The following IFRD1 variants were observed in gnomAD, a reference collection of about 807,000 sequenced individuals.
The protein encoded by IFRD1 is interferon-related developmental regulator 1.
IFRD1 carries 35 observed loss-of-function variants against 52.9 expected under a neutral mutation model. The ratio of observed to expected loss-of-function variants is 0.66; its 90% confidence interval spans 0.51 to 0.88. The LOEUF (loss-of-function observed/expected upper bound fraction) is 0.88. Among genes scored for constraint, IFRD1 ranks in the 40% least tolerant of loss-of-function variants. The pLI is 0.00. For missense variants in IFRD1, 517 were observed against 550.8 expected, an observed-to-expected ratio of 0.94 and a Z score of 0.61; for synonymous variants, 184 against 188.4, an observed-to-expected ratio of 0.98 and a Z score of 0.19.
In IFRD1 at chr7:112,450,552, C is replaced by T. The variant is rs993938407; in HGVS notation, c.-137C>T. 2.5e-5 allele frequency: 18 copies of T among 705,978 alleles called. 3 individuals are homozygous for T. The Admixed American group carries it at 2.7e-4, about 11-fold the overall frequency. 43.7% of individuals were successfully genotyped at this position (705,978 alleles called of 1,614,324 possible). On this transcript the variant is annotated 5_prime_UTR_variant, in exon 1 of 12. Transcript: ENST00000403825. ...CTGCCGCCACCGCCCACTCTTACCC[C>T]CGCCGCTTCTCGACTCTGTTGTTAG...
intron 9 of IFRD1, among the ~76,000 whole-genome samples, chr7:112,471,468 C>T (rs1202143195): frequency 1.3e-5 from 2 of 152,150 alleles, no homozygotes; most frequent in African/African-American, 4.8e-5. Flanking sequence ...TTTCTCCTCT[C>T]CCTGTGGCAG....
intron 1 of IFRD1, among the ~76,000 whole-genome samples, chr7:112,434,848 T>C (rs1269012852): frequency 6.6e-6 from 1 of 152,190 alleles, no homozygotes; most frequent in Non-Finnish European, 1.5e-5. Context: ...CACATACAAA[T>C]ATTAATATAA....
intron 1 of IFRD1, among the ~76,000 whole-genome samples, chr7:112,455,360 C>T (rs556832914): frequency 2.0e-5 from 3 of 152,166 alleles, no homozygotes; most frequent in African/African-American, 7.2e-5. Context: ...TGGTGTGCGC[C>T]TGTAATCCCA....
At chr7:112,454,929 C>A (rs1023368009) in intron 1 of IFRD1, among the ~76,000 whole-genome samples, 2 of 136,956 alleles carry the variant, frequency 1.5e-5, no homozygotes, top group Non-Finnish European at 3.0e-5. Flanking sequence ...TGCAGTGGCA[C>A]CATCTTGGCT....
intron 4 of IFRD1, among the ~76,000 whole-genome samples, chr7:112,458,636 A>G (rs1795352753): frequency 6.6e-6 from 1 of 152,214 alleles, no homozygotes. Flanking sequence ...AGAGTAACTA[A>G]TCGATGATCA....
intron 1 of IFRD1, among the ~76,000 whole-genome samples, chr7:112,452,666 C>G (rs760962003): frequency 1.3e-5 from 2 of 152,146 alleles, no homozygotes; most frequent in Non-Finnish European, 2.9e-5. Flanking sequence ...CCTCTTTGTG[C>G]TTATAGTACC....
chr7:112,470,271 A>G (rs1795714337), intron 9 of IFRD1, among the ~76,000 whole-genome samples: 1 of 152,186 alleles, frequency 6.6e-6, no homozygotes, highest in Non-Finnish European at 1.5e-5. Flanking sequence ...TGAAATTTGA[A>G]CCCACTGTTC....
intron 8 of IFRD1, among the ~76,000 whole-genome samples, chr7:112,464,166 A>G (rs1030634851): frequency 6.6e-6 from 1 of 152,022 alleles, no homozygotes; most frequent in Non-Finnish European, 1.5e-5. Context: ...GGGTTCATAC[A>G]GCAAATGAGT....
At chr7:112,441,956 G>A (rs1230870136) in intron 1 of IFRD1, among the ~76,000 whole-genome samples, 8 of 152,096 alleles carry the variant, frequency 5.3e-5, no homozygotes, top group African/African-American at 1.7e-4. Context: ...CCTAGCACTC[G>A]CAGAATTTAA....
chr7:112,454,102 AAGTG>A (rs1795229601), intron 1 of IFRD1, among the ~76,000 whole-genome samples: 1 of 152,226 alleles, frequency 6.6e-6, no homozygotes. Context: ...CAAAATCCCT[AAGTG>A]ACTGTATATT....
intron 5 of IFRD1, 104 bp from the exon 6 acceptor site, chr7:112,461,762 A>T: frequency 1.5e-6 from 1 of 650,368 alleles, no homozygotes; most frequent in African/African-American, 1.9e-5. Context: ...CTAATATATT[A>T]TGCTGCTGAG....
intron 1 of IFRD1, among the ~76,000 whole-genome samples, chr7:112,430,094 C>G (rs1014926632): frequency 2.0e-5 from 3 of 152,160 alleles, no homozygotes; most frequent in African/African-American, 7.2e-5. Flanking sequence ...AGGGCTTCTT[C>G]TCTTGGATAA....
intron 1 of IFRD1, among the ~76,000 whole-genome samples, chr7:112,424,068 T>C (rs1464812049): frequency 6.6e-6 from 1 of 152,172 alleles, no homozygotes; most frequent in Non-Finnish European, 1.5e-5. Flanking sequence ...ATAATGCTTT[T>C]CTTTGGGGGC....
At chr7:112,452,565 CTAAAGTTTGAAAGT>C in intron 1 of IFRD1, 1 of 493,842 alleles carries the variant, frequency 2.0e-6, no homozygotes, top group Non-Finnish European at 2.6e-6. Flanking sequence ...AGTTTGAAAG[CTAAAGTTTGAAAGT>C]TATAATGATG....
At chr7:112,465,657 A>T (rs1201421450) in intron 8 of IFRD1, among the ~76,000 whole-genome samples, 2 of 152,126 alleles carry the variant, frequency 1.3e-5, no homozygotes, top group Non-Finnish European at 1.5e-5. Context: ...GGTGGTAATA[A>T]CTGTTATATA....
At chr7:112,454,008 C>T (rs1446991974) in intron 1 of IFRD1, among the ~76,000 whole-genome samples, 2 of 152,052 alleles carry the variant, frequency 1.3e-5, no homozygotes, top group African/African-American at 2.4e-5. Flanking sequence ...AGGTGACTCA[C>T]GGTCACTTTT....
At chr7:112,444,702 C>T (rs962528205) in intron 1 of IFRD1, among the ~76,000 whole-genome samples, 1 of 152,048 alleles carries the variant, frequency 6.6e-6, no homozygotes, top group Admixed American at 6.5e-5. Flanking sequence ...GGGAACAAGG[C>T]AAAATTTAAC....
At chr7:112,466,502 G>A (rs950001491) in intron 8 of IFRD1, among the ~76,000 whole-genome samples, 1 of 152,046 alleles carries the variant, frequency 6.6e-6, no homozygotes, top group Non-Finnish European at 1.5e-5. Context: ...ATACTTTGCA[G>A]CATCCTTGGC....
At position 112,452,065 on chromosome 7, in the gene IFRD1, G is replaced by A. The variant is rs886621872; in HGVS notation, c.94+1283G>A. On this transcript the variant is annotated intron_variant, in intron 1 of 11. Coordinates refer to ENST00000403825, the MANE Select transcript of IFRD1 (RefSeq NM_001550.4). Reference sequence around the variant, plus strand: ...TTTTAGGTGCCTCTTTATTTTGAATGCTCTCCATGTTGATGAAATTCATTC... The same window carrying A: ...TTTTAGGTGCCTCTTTATTTTGAATACTCTCCATGTTGATGAAATTCATTC... 4.1e-6 allele frequency: 4 copies of A among 980,782 alleles called. No homozygotes were observed. In the South Asian group the frequency reaches 1.9e-4, roughly 46 times the overall value. 60.8% of individuals were successfully genotyped at this position (980,782 alleles called of 1,614,324 possible). A position where few individuals can be genotyped will look rare whatever the true frequency, so the allele number is the denominator to read the frequency against.
Sources: gnomAD v4.1 joint callset for allele counts (sites outside exome capture counted in the v4.1 genomes callset) on GRCh38, gnomAD v4.1.1 for gene constraint, MANE v1.5 for transcripts, NCBI Gene and HGNC (gene_info 2026-07-23, HGNC 2026-07-21) for gene names.